Variants in THOC1 observed in about 807,000 individuals in gnomAD.
The protein encoded by THOC1 is THO complex 1.
A neutral mutation model predicts 97.3 loss-of-function variants in THOC1; 29 were observed. The observed-to-expected ratio is 0.30, with a 90% confidence interval of 0.22 to 0.41. THOC1 has a LOEUF of 0.41. THOC1 is among the 10% of genes least tolerant of loss of function. The pLI, the probability that THOC1 is intolerant of heterozygous loss-of-function variation, is 1.00. For synonymous variants in THOC1, 255 were observed against 257.0 expected, an observed-to-expected ratio of 0.99 and a Z score of 0.07; for missense variants, 529 against 761.9, an observed-to-expected ratio of 0.69 and a Z score of 3.60.
intron 7 of THOC1, among the ~76,000 whole-genome samples, chr18:257,494 T>C (rs1912472769): frequency 6.6e-6 from 1 of 152,150 alleles, no homozygotes; most frequent in Non-Finnish European, 1.5e-5. Context: ...TCATGTAAAA[T>C]ATATACTGAC....
At chr18:218,651 GT>G (rs946705305) in intron 18 of THOC1, among the ~76,000 whole-genome samples, 9 of 149,558 alleles carry the variant, frequency 6.0e-5, no homozygotes, top group Non-Finnish European at 1.2e-4. Context: ...ATCAGGGGGA[GT>G]TTTTTTTTTC....
intron 9 of THOC1, among the ~76,000 whole-genome samples, chr18:250,866 G>T (rs1412436735): frequency 6.6e-6 from 1 of 152,194 alleles, no homozygotes; most frequent in Admixed American, 6.5e-5. Flanking sequence ...GCACTGGCCA[G>T]TGTCTTTTGG....
At chr18:215,864 T>C (rs1328149394) in intron 19 of THOC1, 3 of 222,006 alleles carry the variant, frequency 1.4e-5, no homozygotes, top group Admixed American at 5.3e-5. Context: ...TTCTTATCTT[T>C]TATCTTTGAT....
intron 1 of THOC1, among the ~76,000 whole-genome samples, chr18:266,525 T>C (rs1912773819): frequency 6.7e-6 from 1 of 149,628 alleles, no homozygotes; most frequent in African/African-American, 2.5e-5. Flanking sequence ...ATGGTCCTTT[T>C]CAGGGCTAGT....
At position 220,778 on chromosome 18, in the gene THOC1, CTA is replaced by C. The variant is rs1341253913; in HGVS notation, c.1371-1811_1371-1810del. 2.0e-5 allele frequency among the ~76,000 whole-genome samples: 3 copies of C among 152,240 alleles called. No individual in the cohort carries two copies. The East Asian group carries it at 5.8e-4, about 29-fold the overall frequency. On this transcript the variant is annotated intron_variant, in intron 17 of 20. Coordinates refer to ENST00000261600, the MANE Select transcript of THOC1 (RefSeq NM_005131.3). ...GGAATCAATCATGTTAGAATTTTAT[CTA>C]TTTTTCCTGGTTTTTGTTTTTATTG...
At position 225,101 on chromosome 18, in the gene THOC1, T is replaced by G; in HGVS notation, c.1125A>C (p.Ser375=). Residue 375 remains serine (S), a synonymous_variant, in exon 14 of 21, where the codon TCA becomes TCC. Coordinates refer to ENST00000261600, the MANE Select transcript of THOC1 (RefSeq NM_005131.3). ...SENPPDGERF[S]KMVEHILNTE... is the part of the protein sequence containing the mutation. The stretch of plus-strand genomic sequence containing the variant: ...AAAAAACACATACCTCTACCATCTT[T>G]GAAAATCTTTCTCCATCGGGGGGGT... 1 of 1,576,410 alleles carries G rather than the reference T, an allele frequency of 6.3e-7. No homozygotes were observed. The highest frequency in any genetic ancestry group is 1.2e-5 in the South Asian group (1 of 86,016).
chr18:267,008 C>T (rs888120622), intron 1 of THOC1, among the ~76,000 whole-genome samples: 1 of 114,354 alleles, frequency 8.7e-6, no homozygotes, highest in Non-Finnish European at 2.0e-5. Flanking sequence ...TATACGTATA[C>T]GTATATATAT....
chr18:253,311 G>C (rs547831999), intron 8 of THOC1, among the ~76,000 whole-genome samples: 1 of 152,266 alleles, frequency 6.6e-6, no homozygotes, highest in Non-Finnish European at 1.5e-5. Flanking sequence ...TGATGCAGAC[G>C]CTGCAGACTG....
intron 16 of THOC1, 69 bp from the exon 17 acceptor site, chr18:223,574 A>G: frequency 2.4e-6 from 3 of 1,227,414 alleles, no homozygotes; most frequent in Non-Finnish European, 3.5e-6. Context: ...GAAACTGAAC[A>G]GAAAAACAAT....
At chr18:215,299 A>T (rs644363) in intron 20 of THOC1, 130 bp downstream of exon 20, 146,818 of 722,756 alleles carry the variant, frequency 0.2, 16,014 homozygotes, top group Non-Finnish European at 0.23. Flanking sequence ...TAAATTCCTC[A>T]CTATGTCAGA....
At chr18:259,542 C>A (rs1233104533) in intron 6 of THOC1, 140 bp downstream of exon 6, 1 of 752,056 alleles carries the variant, frequency 1.3e-6, no homozygotes, top group Non-Finnish European at 2.2e-6. Flanking sequence ...ATAATGAGTT[C>A]TAACAAATCA....
At chr18:263,884 T>C (rs1178933681) in intron 4 of THOC1, 142 bp downstream of exon 4, 1 of 633,714 alleles carries the variant, frequency 1.6e-6, no homozygotes, top group Non-Finnish European at 2.8e-6. Context: ...CAACTGGGAC[T>C]TCTTGGCAAA....
chr18:247,991 T>C, intron 9 of THOC1, 34 bp from the exon 10 acceptor site: 1 of 1,279,550 alleles, frequency 7.8e-7, no homozygotes, highest in Non-Finnish European at 1.1e-6. Context: ...AATAAATCAT[T>C]CAAATTCTTT....
At chr18:246,721 A>T (rs1164280080) in intron 10 of THOC1, among the ~76,000 whole-genome samples, 1 of 152,102 alleles carries the variant, frequency 6.6e-6, no homozygotes, top group Non-Finnish European at 1.5e-5. Flanking sequence ...TCACGCCTGT[A>T]ATCCCAGCAC....
rs571184907 is a variant in THOC1 at position 254,093 on chromosome 18, G to A, written c.603+180C>T. Among the ~76,000 whole-genome samples the A allele has an allele frequency of 6.6e-6, 1 of 151,646 alleles. No individual in the cohort carries two copies. Among genetic ancestry groups the A allele is most frequent in the African/African-American group, 2.4e-5 (1 of 41,346 alleles). Reference sequence around the variant, plus strand: ...GCCCTGCTAATTTTTGTACTTTTTTGTAGGAATGAGGATTTGCCATGTTGT... The same window carrying A: ...GCCCTGCTAATTTTTGTACTTTTTTATAGGAATGAGGATTTGCCATGTTGT... On this transcript the variant is annotated intron_variant, in intron 8 of 20. Transcript: ENST00000261600. The surrounding 1 kb of genome is among the most constrained non-coding windows in gnomAD (Gnocchi z 4.1).
At position 242,796 on chromosome 18, in the gene THOC1, T is replaced by C. The variant is rs1911953511; in HGVS notation, c.918+3528A>G. 6.6e-6 allele frequency among the ~76,000 whole-genome samples: 1 copy of C among 152,184 alleles called. No individual in the cohort carries two copies. Among genetic ancestry groups the C allele is most frequent in the Non-Finnish European group, 1.5e-5 (1 of 68,010 alleles). On this transcript the variant is annotated intron_variant, in intron 11 of 20. Coordinates refer to ENST00000261600, the MANE Select transcript of THOC1 (RefSeq NM_005131.3). The surrounding 1 kb of genome is among the most constrained non-coding windows in gnomAD (Gnocchi z 4.5). The stretch of plus-strand genomic sequence containing the variant: ...TCTATATCAAAAGTTGAAAGTAACA[T>C]CAGGCCCAAAACTGGCATATATTTA...
At chr18:236,847 T>C (rs1274710083) in intron 11 of THOC1, among the ~76,000 whole-genome samples, 4 of 152,086 alleles carry the variant, frequency 2.6e-5, no homozygotes, top group Non-Finnish European at 4.4e-5. Context: ...TAACCTTGAG[T>C]TAGTTCAGAA....
In THOC1 at chr18:214,642, T is replaced by C. The variant is rs1216542754; in HGVS notation, c.1958A>G (p.Asn653Ser). 3.1e-6 allele frequency: 5 copies of C among 1,611,432 alleles called. No individual in the cohort carries two copies. Among genetic ancestry groups the C allele is most frequent in the East Asian group, 2.2e-5 (1 of 44,856 alleles). The change falls in exon 21 of 21, where the codon AAT becomes AGT. Residue 653 changes from asparagine to serine, a missense_variant. This residue lies in a region of THOC1 where 98 missense variants were observed against 111.9 expected (regional missense o/e 0.88). Coordinates refer to ENST00000261600, the MANE Select transcript of THOC1 (RefSeq NM_005131.3). ...AAAAAGAAGCTAACTATTTGTCTCA[T>C]TGTCATTAGTTAGACTTTCTGCAAG... ...SDLAESLTNDNETNS is the reference protein window; with the variant it reads ...SDLAESLTNDSETNS
At chr18:257,503 A>G (rs566890419) in intron 7 of THOC1, among the ~76,000 whole-genome samples, 79 of 152,288 alleles carry the variant, frequency 5.2e-4, no homozygotes, top group African/African-American at 1.9e-3. Flanking sequence ...ATATATACTG[A>G]CAGATACAGA....
Sources: allele counts gnomAD v4.1 joint callset (sites outside exome capture counted in the v4.1 genomes callset), GRCh38; gene constraint gnomAD v4.1.1; regional missense constraint gnomAD v4.1.1; non-coding constraint Gnocchi (gnomAD v3.1); transcripts MANE v1.5; gene names NCBI Gene and HGNC (gene_info 2026-07-23, HGNC 2026-07-21).